Variants in ADARB2 observed in about 807,000 individuals in gnomAD.
The protein encoded by ADARB2 is inactive double-stranded RNA-specific editase B2.
ADARB2 carries 25 observed loss-of-function variants against 62.2 expected under a neutral mutation model. That is an observed-to-expected ratio of 0.40 (90% CI 0.29 to 0.56). The LOEUF is 0.56. Ranked by LOEUF, ADARB2 falls within the 20% of genes least tolerant of loss-of-function variation. The probability of loss-of-function intolerance (pLI) is 0.43; values close to 1 mark genes in which losing one functional copy is unlikely to be tolerated. For synonymous variants in ADARB2, 572 were observed against 500.8 expected, an observed-to-expected ratio of 1.14 and a Z score of -1.90; for missense variants, 1,071 against 1,077.4, an observed-to-expected ratio of 0.99 and a Z score of 0.08.
At chr10:1,184,615 A>G (rs1339766955) in intron 9 of ADARB2, among the ~76,000 whole-genome samples, 1 of 152,252 alleles carries the variant, frequency 6.6e-6, no homozygotes, top group Non-Finnish European at 1.5e-5. Flanking sequence ...GGGGTTCAGC[A>G]ATGAGCTCCT....
At chr10:1,452,226 G>C (rs1470129513) in intron 1 of ADARB2, among the ~76,000 whole-genome samples, 2 of 152,194 alleles carry the variant, frequency 1.3e-5, no homozygotes, top group Non-Finnish European at 2.9e-5. Flanking sequence ...GCATACACAG[G>C]GAGACGGCAA....
At chr10:1,220,336 G>C (rs1830682328) in intron 6 of ADARB2, among the ~76,000 whole-genome samples, 1 of 108,856 alleles carries the variant, frequency 9.2e-6, no homozygotes, top group Non-Finnish European at 2.0e-5. Flanking sequence ...GGTGGTGATG[G>C]ATGATGGTGA....
chr10:1,398,883 T>C lies in ADARB2; in HGVS notation c.101-19723A>G, dbSNP rs922296386. Among the ~76,000 whole-genome samples the C allele has an allele frequency of 6.6e-6, 1 of 152,076 alleles. No homozygotes were observed. The highest frequency in any genetic ancestry group is 2.4e-5 in the African/African-American group (1 of 41,408). On this transcript the variant is annotated intron_variant, in intron 1 of 9. Transcript: ENST00000381312. The surrounding 1 kb of genome is among the most constrained non-coding windows in gnomAD (Gnocchi z 4.1). ...GCTGGGGGAAACAGACCGCTCTGTC[T>C]TTGGGGTCTTGATGGGTAGAGTGGT... is the stretch of plus-strand genomic sequence containing the variant.
At chr10:1,711,533 G>C (rs889418393) in intron 1 of ADARB2, among the ~76,000 whole-genome samples, 1 of 152,136 alleles carries the variant, frequency 6.6e-6, no homozygotes, top group African/African-American at 2.4e-5. Context: ...TCCTTACTAA[G>C]GTGTTTTCCT....
rs2131730105 is a variant in ADARB2, at chr10:1,178,784, T to A, written c.*4409A>T. The A allele has an allele frequency of 6.6e-6, 1 of 152,182 alleles. No homozygotes were observed. 9.4% of individuals were successfully genotyped at this position (152,182 alleles called of 1,614,324 possible). A position where few individuals can be genotyped will look rare whatever the true frequency, so the allele number is the denominator to read the frequency against. ...CTTTGGAGGTATGTGGGATGGCGGCTCCCTGACATGGACTAGGGGACTCTG... is the reference window on the plus strand; with the variant it reads ...CTTTGGAGGTATGTGGGATGGCGGCACCCTGACATGGACTAGGGGACTCTG... On this transcript the variant is annotated 3_prime_UTR_variant, in exon 10 of 10. Transcript: ENST00000381312.
intron 1 of ADARB2, among the ~76,000 whole-genome samples, chr10:1,470,096 C>CCCAGGGTCATCTGACCTGACCCTCTT (rs1831301992): frequency 1.3e-5 from 2 of 152,188 alleles, no homozygotes; most frequent in African/African-American, 4.8e-5. Context: ...CTGACCCTCT[C>CCCAGGGTCATCTGACCTGACCCTCTT]CCAGGGTCAT....
intron 1 of ADARB2, among the ~76,000 whole-genome samples, chr10:1,644,716 G>T (rs528642542): frequency 6.6e-6 from 1 of 152,242 alleles, no homozygotes; most frequent in African/African-American, 2.4e-5. Context: ...TGCTGCTGAT[G>T]CCTCTCACAC....
At chr10:1,662,502 G>A (rs1006111659) in intron 1 of ADARB2, among the ~76,000 whole-genome samples, 5 of 152,184 alleles carry the variant, frequency 3.3e-5, no homozygotes, top group East Asian at 1.9e-4. Flanking sequence ...GCAGCCACGT[G>A]GGCCCAGACT....
intron 1 of ADARB2, among the ~76,000 whole-genome samples, chr10:1,405,613 G>A (rs1270600358): frequency 4.7e-5 from 6 of 127,112 alleles, no homozygotes; most frequent in African/African-American, 1.8e-4. Flanking sequence ...GCCTGGAAGA[G>A]TGTGAGATTC....
At chr10:1,437,668 T>G (rs1830848860) in intron 1 of ADARB2, among the ~76,000 whole-genome samples, 1 of 152,146 alleles carries the variant, frequency 6.6e-6, no homozygotes, top group Non-Finnish European at 1.5e-5. Flanking sequence ...TGAGCCCTGA[T>G]GAGGATCCTG....
intron 3 of ADARB2, among the ~76,000 whole-genome samples, chr10:1,357,380 A>T (rs906609712): frequency 3.9e-5 from 6 of 152,186 alleles, no homozygotes; most frequent in African/African-American, 1.4e-4. Flanking sequence ...AGTGGCAGAC[A>T]GGTGGCTGCT....
intron 3 of ADARB2, among the ~76,000 whole-genome samples, chr10:1,312,158 G>A (rs529481427): frequency 1.8e-4 from 27 of 152,306 alleles, no homozygotes; most frequent in African/African-American, 5.1e-4. Flanking sequence ...ATTTGCAGGC[G>A]GCAAGTTTCA....
At chr10:1,530,748 C>T (rs1588289896) in intron 1 of ADARB2, among the ~76,000 whole-genome samples, 1 of 152,362 alleles carries the variant, frequency 6.6e-6, no homozygotes, top group African/African-American at 2.4e-5. Flanking sequence ...TCTGGGTTCT[C>T]TCTCCAGCTC....
intron 6 of ADARB2, among the ~76,000 whole-genome samples, chr10:1,218,688 A>G (rs1830654819): frequency 1.3e-5 from 2 of 152,114 alleles, no homozygotes; most frequent in Non-Finnish European, 2.9e-5. Context: ...CCAGTTTACT[A>G]CCGTCCCCTT....
chr10:1,349,265 T>C (rs1046641891), intron 3 of ADARB2, among the ~76,000 whole-genome samples: 1 of 152,020 alleles, frequency 6.6e-6, no homozygotes, highest in African/African-American at 2.4e-5. Flanking sequence ...ACCCCCCTTC[T>C]TCCTTTACCT....
At chr10:1,346,566 G>A (rs1011977579) in intron 3 of ADARB2, among the ~76,000 whole-genome samples, 21 of 152,234 alleles carry the variant, frequency 1.4e-4, no homozygotes, top group Non-Finnish European at 2.9e-4. Context: ...AAAATGCCTC[G>A]AGATGTGGCA....
intron 1 of ADARB2, chr10:1,556,473 C>G (rs986880653): frequency 1.1e-5 from 4 of 358,442 alleles, no homozygotes; most frequent in East Asian, 7.5e-5. Flanking sequence ...TCTAAATATT[C>G]CCTTCCCTCT....
intron 1 of ADARB2, among the ~76,000 whole-genome samples, chr10:1,511,992 G>T (rs1156795234): frequency 1.3e-5 from 2 of 149,944 alleles, no homozygotes; most frequent in Non-Finnish European, 3.0e-5. Context: ...ACTAAGACAT[G>T]GATGCTGTCT....
intron 1 of ADARB2, among the ~76,000 whole-genome samples, chr10:1,718,411 A>C (rs1168230722): frequency 6.6e-6 from 1 of 152,194 alleles, no homozygotes; most frequent in Non-Finnish European, 1.5e-5. Flanking sequence ...CTGTGGCCCC[A>C]CTGCCCTGGG....
Sources: allele counts gnomAD v4.1 joint callset (sites outside exome capture counted in the v4.1 genomes callset), GRCh38; gene constraint gnomAD v4.1.1; non-coding constraint Gnocchi (gnomAD v3.1); transcripts MANE v1.5; gene names NCBI Gene and HGNC (gene_info 2026-07-23, HGNC 2026-07-21).